Variants in ALK observed in about 807,000 individuals in gnomAD.
ALK encodes the protein ALK receptor tyrosine kinase, also known as ALK tyrosine kinase receptor.
Under a neutral mutation model 163.1 loss-of-function variants are expected in ALK, and 74 were observed. The observed-to-expected ratio is 0.45, with a 90% confidence interval of 0.38 to 0.55. ALK has a LOEUF of 0.55. ALK is among the 20% of genes least tolerant of loss of function. The probability of loss-of-function intolerance (pLI) is 0.00; values close to 1 mark genes in which losing one functional copy is unlikely to be tolerated. For missense variants in ALK, 2,063 were observed against 2,105.3 expected (o/e 0.98, Z 0.39); for synonymous variants, 960 against 843.2 (o/e 1.14, Z -2.40).
intron 1 of ALK, among the ~76,000 whole-genome samples, chr2:29,728,538 T>C (rs1679639167): frequency 6.6e-6 from 1 of 152,250 alleles, no homozygotes; most frequent in East Asian, 1.9e-4. Context: ...TGTTATCCAT[T>C]GTGAAGGAGA....
intron 1 of ALK, among the ~76,000 whole-genome samples, chr2:29,907,360 T>C (rs540111029): frequency 3.3e-5 from 5 of 152,322 alleles, no homozygotes; most frequent in African/African-American, 1.2e-4. Context: ...TTCATTCTCT[T>C]TCTCTTCTTT....
At chr2:29,598,362 G>GC (rs1159930422) in intron 3 of ALK, among the ~76,000 whole-genome samples, 2 of 141,958 alleles carry the variant, frequency 1.4e-5, no homozygotes, top group African/African-American at 5.3e-5. Flanking sequence ...CTAGTTGTTT[G>GC]TTTTTTGTTT....
intron 3 of ALK, among the ~76,000 whole-genome samples, chr2:29,635,186 A>G (rs1384495045): frequency 6.6e-6 from 1 of 152,244 alleles, no homozygotes; most frequent in Non-Finnish European, 1.5e-5. Flanking sequence ...GTCTTAATAT[A>G]GTAAAGTTGT....
chr2:29,906,068 G>T (rs1377414068), intron 1 of ALK, among the ~76,000 whole-genome samples: 1 of 152,172 alleles, frequency 6.6e-6, no homozygotes, highest in East Asian at 1.9e-4. Context: ...CGCTATAGAG[G>T]GTCAGATCAC....
chr2:29,639,885 CATG>C (rs1676650541), intron 3 of ALK, among the ~76,000 whole-genome samples: 2 of 152,186 alleles, frequency 1.3e-5, no homozygotes, highest in Admixed American at 1.3e-4. Flanking sequence ...CCAGGGTTTG[CATG>C]ATTTCATCCA....
intron 4 of ALK, among the ~76,000 whole-genome samples, chr2:29,444,574 T>C (rs1001963722): frequency 6.6e-5 from 10 of 152,186 alleles, no homozygotes; most frequent in Non-Finnish European, 2.9e-5. Context: ...TATGGGATCC[T>C]TTATACAAAA....
intron 1 of ALK, among the ~76,000 whole-genome samples, chr2:29,878,548 G>T (rs1221788071): frequency 6.6e-6 from 1 of 152,182 alleles, no homozygotes; most frequent in Non-Finnish European, 1.5e-5. Context: ...ATGCTGAAAG[G>T]TCCTGTTGAG....
chr2:29,515,205 G>A (rs1672628855), intron 4 of ALK, among the ~76,000 whole-genome samples: 1 of 152,138 alleles, frequency 6.6e-6, no homozygotes, highest in Non-Finnish European at 1.5e-5. Context: ...CCTCCTGGGG[G>A]AAGGCTCCCC....
At chr2:29,380,587 TTTTG>T (rs974570972) in intron 5 of ALK, among the ~76,000 whole-genome samples, 4 of 151,828 alleles carry the variant, frequency 2.6e-5, no homozygotes, top group East Asian at 1.9e-4. Flanking sequence ...CCTGGCTAAT[TTTTG>T]TTTGTTTGTT....
At chr2:29,389,548 A>G (rs1476248587) in intron 4 of ALK, among the ~76,000 whole-genome samples, 1 of 152,194 alleles carries the variant, frequency 6.6e-6, no homozygotes, top group Admixed American at 6.5e-5. Flanking sequence ...TAATGCCAGA[A>G]TGGTGGATCA....
intron 1 of ALK, among the ~76,000 whole-genome samples, chr2:29,791,457 C>T (rs1368466408): frequency 2.6e-5 from 4 of 152,210 alleles, no homozygotes; most frequent in Non-Finnish European, 5.9e-5. Flanking sequence ...GGGAGGGGAA[C>T]ATCACACACC....
chr2:29,593,451 A>G (rs368546165), intron 3 of ALK, among the ~76,000 whole-genome samples: 17 of 152,360 alleles, frequency 1.1e-4, no homozygotes, highest in African/African-American at 3.8e-4. Context: ...ACACTGCCTT[A>G]GAGACCCTGT....
intron 1 of ALK, among the ~76,000 whole-genome samples, chr2:29,916,848 C>T (rs1667847924): frequency 6.6e-6 from 1 of 152,196 alleles, no homozygotes; most frequent in African/African-American, 2.4e-5. Flanking sequence ...TGCAGACAGA[C>T]ATCTTTTCTA....
chr2:29,845,250 T>A (rs13012046), intron 1 of ALK, among the ~76,000 whole-genome samples: 1 of 152,028 alleles, frequency 6.6e-6, no homozygotes, highest in Non-Finnish European at 1.5e-5. Context: ...TCCCTCAGGC[T>A]CACACAAACC....
Position 29,538,410 on chromosome 2 carries a change from C to G in ALK, c.953-6294G>C, listed in dbSNP as rs115615988. On this transcript the variant is annotated intron_variant, in intron 3 of 28. Coordinates refer to ENST00000389048, the MANE Select transcript of ALK (RefSeq NM_004304.5). Reference sequence around the variant, plus strand: ...GGTTGTTTAAAAGAGTCTGGGACCTCCTCATTCTCTTTCACTTGCTCTTGC... The same window carrying G: ...GGTTGTTTAAAAGAGTCTGGGACCTGCTCATTCTCTTTCACTTGCTCTTGC... Among the ~76,000 whole-genome samples the G allele has an allele frequency of 4.4e-3, 671 of 152,236 alleles. 2 individuals are homozygous for G. Among genetic ancestry groups the G allele is most frequent in the Non-Finnish European group, 7.4e-3 (500 of 68,014 alleles).
intron 4 of ALK, among the ~76,000 whole-genome samples, chr2:29,439,606 T>C (rs577053206): frequency 1.3e-5 from 2 of 151,224 alleles, no homozygotes; most frequent in African/African-American, 4.9e-5. Flanking sequence ...TGACCACATA[T>C]AGGGTCTCTG....
intron 26 of ALK, among the ~76,000 whole-genome samples, chr2:29,199,295 G>T (rs1164830883): frequency 2.0e-5 from 3 of 152,074 alleles, no homozygotes; most frequent in Non-Finnish European, 4.4e-5. Flanking sequence ...ACCAAAGAAA[G>T]ATTTTTATTT....
At chr2:29,432,945 C>T (rs1240880959) in intron 4 of ALK, among the ~76,000 whole-genome samples, 2 of 152,076 alleles carry the variant, frequency 1.3e-5, no homozygotes, top group Non-Finnish European at 2.9e-5. Context: ...TGATCATTTC[C>T]CTGCTCTGGG....
chr2:29,492,840 T>C (rs1455017912), intron 4 of ALK, among the ~76,000 whole-genome samples: 1 of 152,208 alleles, frequency 6.6e-6, no homozygotes, highest in Non-Finnish European at 1.5e-5. Context: ...ATAGTGGTAA[T>C]ATTGGCAAAG....
Sources: gnomAD v4.1 joint callset for allele counts (sites outside exome capture counted in the v4.1 genomes callset) on GRCh38, gnomAD v4.1.1 for gene constraint, MANE v1.5 for transcripts, NCBI Gene and HGNC (gene_info 2026-07-23, HGNC 2026-07-21) for gene names.